Variants in HTR2C observed in about 807,000 individuals in gnomAD.
HTR2C encodes 5-hydroxytryptamine (serotonin) receptor 2C, G protein-coupled.
Under a neutral mutation model 21.0 loss-of-function variants are expected in HTR2C, and 5 were observed. That is an observed-to-expected ratio of 0.24 (90% CI 0.12 to 0.50). The LOEUF (loss-of-function observed/expected upper bound fraction) is 0.50. HTR2C is among the 20% of genes least tolerant of loss of function. The probability of loss-of-function intolerance (pLI) is 0.98; values close to 1 mark genes in which losing one functional copy is unlikely to be tolerated. For synonymous variants in HTR2C, 150 were observed against 145.3 expected, an observed-to-expected ratio of 1.03 and a Z score of -0.23; for missense variants, 271 against 371.2, an observed-to-expected ratio of 0.73 and a Z score of 2.22.
At chrX:114,875,639 G>A (rs782495357) in intron 5 of HTR2C, among the ~76,000 whole-genome samples, 5 of 110,453 alleles carry the variant, frequency 4.5e-5, no homozygotes, top group African/African-American at 9.8e-5. Flanking sequence ...TCCCACCACC[G>A]TTTATTGAAG....
intron 1 of HTR2C, among the ~76,000 whole-genome samples, chrX:114,610,221 G>C (rs1928665270): frequency 9.0e-6 from 1 of 111,112 alleles, no homozygotes. Context: ...TCCTGCTCAG[G>C]ACTGACTACT....
intron 4 of HTR2C, among the ~76,000 whole-genome samples, chrX:114,836,334 A>G (rs1403651317): frequency 8.9e-6 from 1 of 111,956 alleles, no homozygotes; most frequent in Non-Finnish European, 1.9e-5. Flanking sequence ...TTGATCTCAG[A>G]CTGCTGTGCT....
Position 114,907,095 on chromosome X carries a change from T to C in HTR2C, c.1057T>C (p.Phe353Leu). ...QKLMEKLLNVFVWIGYVCSGI... is the reference protein window; with the variant it reads ...QKLMEKLLNVLVWIGYVCSGI... ...GCTCATGGAAAAGCTTCTGAATGTG[T>C]TTGTTTGGATTGGCTATGTTTGTTC... is the stretch of plus-strand genomic sequence containing the variant. Residue 353 changes from phenylalanine (F) to leucine (L), a missense_variant, in exon 6 of 6, where the codon TTT becomes CTT. Around this residue, in one of 5 missense-constraint regions of HTR2C, gnomAD observed 192 missense variants for 247.2 expected, o/e 0.78. Transcript: ENST00000276198. 8.3e-7 allele frequency: 1 copy of C among 1,211,447 alleles called. No individual in the cohort carries two copies. Among genetic ancestry groups the C allele is most frequent in the Non-Finnish European group, 1.1e-6 (1 of 895,353 alleles).
At chrX:114,771,596 G>A (rs1372262687) in intron 4 of HTR2C, among the ~76,000 whole-genome samples, 1 of 111,753 alleles carries the variant, frequency 8.9e-6, no homozygotes, top group Non-Finnish European at 1.9e-5. Context: ...GTTTTCTTGG[G>A]CATGTGTACA....
chrX:114,679,085 A>G (rs1401284297), intron 2 of HTR2C, among the ~76,000 whole-genome samples: 1 of 111,581 alleles, frequency 9.0e-6, no homozygotes, highest in Non-Finnish European at 1.9e-5. Context: ...AGAATTTAAG[A>G]GTCTAAGAGA....
chrX:114,614,718 G>T (rs967040835), intron 2 of HTR2C, among the ~76,000 whole-genome samples: 3 of 111,697 alleles, frequency 2.7e-5, no homozygotes, highest in African/African-American at 9.8e-5. Context: ...GGAGAATTTT[G>T]TTTCTCAAAA....
chrX:114,646,453 A>G (rs1930363732), intron 2 of HTR2C, among the ~76,000 whole-genome samples: 2 of 112,510 alleles, frequency 1.8e-5, no homozygotes, highest in African/African-American at 6.4e-5. Context: ...CTGTCTTTTT[A>G]TCCAGAAGTA....
chrX:114,727,136 A>G (rs782444364), intron 3 of HTR2C, among the ~76,000 whole-genome samples, 165 bp downstream of exon 3: 56 of 112,006 alleles, frequency 5.0e-4, no homozygotes, highest in Middle Eastern at 4.6e-3. Flanking sequence ...CTATTCAAAA[A>G]TAATTAATGG....
chrX:114,769,853 CTA>C (rs2069982960), intron 4 of HTR2C, among the ~76,000 whole-genome samples: 1 of 111,632 alleles, frequency 9.0e-6, no homozygotes, highest in Admixed American at 9.6e-5. Flanking sequence ...AAGTTACCAT[CTA>C]CCTTTTCATT....
At chrX:114,739,878 G>A (rs1241797754) in intron 4 of HTR2C, among the ~76,000 whole-genome samples, 1 of 110,901 alleles carries the variant, frequency 9.0e-6, no homozygotes, top group Non-Finnish European at 1.9e-5. Context: ...GGCTGAGGCA[G>A]GTGGATCACT....
At chrX:114,607,531 ATG>A (rs1556397419) in intron 1 of HTR2C, among the ~76,000 whole-genome samples, 1 of 111,862 alleles carries the variant, frequency 8.9e-6, no homozygotes, top group African/African-American at 3.3e-5. Flanking sequence ...TGATCTTTGA[ATG>A]TATCTTATTC....
intron 5 of HTR2C, among the ~76,000 whole-genome samples, chrX:114,878,196 A>G (rs1310491092): frequency 1.8e-5 from 2 of 110,698 alleles, no homozygotes; most frequent in Non-Finnish European, 1.9e-5. Context: ...TTAACCCTTT[A>G]TCATTTTATA....
intron 4 of HTR2C, among the ~76,000 whole-genome samples, chrX:114,793,519 A>G (rs781997258): frequency 5.8e-4 from 65 of 111,817 alleles, no homozygotes; most frequent in African/African-American, 1.9e-3. Context: ...TAGTCCTCAA[A>G]GAATAATCTT....
intron 5 of HTR2C, among the ~76,000 whole-genome samples, chrX:114,899,075 T>G (rs2071318065): frequency 8.9e-6 from 1 of 112,035 alleles, no homozygotes; most frequent in Admixed American, 9.5e-5. Context: ...TGAGCAGTGG[T>G]TTGTAGTTCT....
chrX:114,652,968 A>G (rs1368167067), intron 2 of HTR2C, among the ~76,000 whole-genome samples: 1 of 58,789 alleles, frequency 1.7e-5, no homozygotes, highest in East Asian at 6.8e-4. Context: ...ATTTGAGCGA[A>G]TATATAAATA....
At chrX:114,825,776 G>A (rs1453531701) in intron 4 of HTR2C, among the ~76,000 whole-genome samples, 1 of 111,057 alleles carries the variant, frequency 9.0e-6, no homozygotes, top group African/African-American at 3.3e-5. Context: ...TACCATTGTT[G>A]TGCTTCATGA....
chrX:114,731,218 T>A (rs1471990023), intron 3 of HTR2C, 76 bp from the exon 4 acceptor site: 1 of 636,367 alleles, frequency 1.6e-6, no homozygotes, highest in African/African-American at 2.3e-5. Context: ...AAGAAGCAGT[T>A]GTTTTGCATG....
In HTR2C at chrX:114,805,770, C is replaced by A. The variant is rs370891731; in HGVS notation, c.350-42233C>A. Among the ~76,000 whole-genome samples the A allele has an allele frequency of 3.9e-3, 142 of 35,960 alleles. 26 individuals are homozygous for A. The highest frequency in any genetic ancestry group is 0.012 in the African/African-American group (122 of 10,339). The allele number at this position is 35,960 out of a possible 115,157, so 31.2% of individuals were successfully genotyped here. On this transcript the variant is annotated intron_variant, in intron 4 of 5. Transcript: ENST00000276198. ...ATATACACCTATATATACACCATAT[C>A]TATACCATGTATATACACCATATAT...
chrX:114,607,085 G>A (rs1222408876), intron 1 of HTR2C, among the ~76,000 whole-genome samples: 2 of 109,118 alleles, frequency 1.8e-5, no homozygotes, highest in Non-Finnish European at 3.8e-5. Context: ...GGCAAGGACC[G>A]GCCATTTACA....
Sources: gnomAD v4.1 joint callset for allele counts (sites outside exome capture counted in the v4.1 genomes callset) on GRCh38, gnomAD v4.1.1 for gene constraint, gnomAD v4.1.1 regional missense constraint, MANE v1.5 for transcripts, NCBI Gene and HGNC (gene_info 2026-07-23, HGNC 2026-07-21) for gene names.